Variants in DLC1 observed in about 807,000 individuals in gnomAD.
DLC1 encodes the protein DLC1 Rho GTPase activating protein.
Under a neutral mutation model 140.3 loss-of-function variants are expected in DLC1, and 54 were observed. The ratio of observed to expected loss-of-function variants is 0.38; its 90% CI spans 0.31 to 0.48. The LOEUF is 0.48. DLC1 is among the 20% of genes least tolerant of loss of function. The pLI is 0.96. For missense variants in DLC1, 2,536 were observed against 1,907.0 expected (o/e 1.33, Z -6.14); for synonymous variants, 986 against 728.1 (o/e 1.35, Z -5.70).
chr8:13,376,122 AT>A (rs1182488245), intron 4 of DLC1, among the ~76,000 whole-genome samples: 4 of 152,188 alleles, frequency 2.6e-5, no homozygotes, highest in Non-Finnish European at 5.9e-5. Context: ...GCTGAAGAAA[AT>A]GGTTTGGCCA....
intron 5 of DLC1, among the ~76,000 whole-genome samples, chr8:13,296,198 C>T (rs1324919069): frequency 3.3e-5 from 5 of 151,810 alleles, no homozygotes; most frequent in African/African-American, 7.3e-5. Flanking sequence ...TCAAGTGATT[C>T]GCTCACCTCG....
At chr8:13,528,356 T>G (rs1802985700) in intron 1 of DLC1, among the ~76,000 whole-genome samples, 1 of 152,132 alleles carries the variant, frequency 6.6e-6, no homozygotes, top group African/African-American at 2.4e-5. Context: ...AACTTAAAAA[T>G]TTAACATTTT....
intron 2 of DLC1, among the ~76,000 whole-genome samples, chr8:13,415,003 A>G (rs1289184149): frequency 5.3e-5 from 8 of 152,076 alleles, no homozygotes; most frequent in South Asian, 2.1e-4. Context: ...TAGTAGAGAC[A>G]TGGTTTCACC....
intron 1 of DLC1, among the ~76,000 whole-genome samples, chr8:13,590,191 T>A (rs908464906): frequency 6.6e-5 from 10 of 151,932 alleles, no homozygotes; most frequent in Non-Finnish European, 1.2e-4. Context: ...TATTAAGGAC[T>A]TTTTTCATTT....
At chr8:13,447,711 GAA>G (rs1309588471) in intron 2 of DLC1, among the ~76,000 whole-genome samples, 6 of 152,126 alleles carry the variant, frequency 3.9e-5, no homozygotes, top group African/African-American at 1.4e-4. Flanking sequence ...GATCATATAA[GAA>G]AACATTTTTC....
At chr8:13,318,484 T>G in intron 4 of DLC1, among the ~76,000 whole-genome samples, 1 of 152,236 alleles carries the variant, frequency 6.6e-6, no homozygotes, top group Non-Finnish European at 1.5e-5. Context: ...CCTAGGGTTT[T>G]AACTTAGTTA....
chr8:13,491,126 TA>T lies in DLC1; in HGVS notation c.1023+7922del, dbSNP rs566352656. ...TTTTTATATATATATTCAGATTTAATATTTTTTTATATATATATAGCCTTAA... is the reference window on the plus strand; with the variant it reads ...TTTTTATATATATATTCAGATTTAATTTTTTTTATATATATATAGCCTTAA... On this transcript the variant is annotated intron_variant, in intron 2 of 17. Transcript: ENST00000276297. Among the ~76,000 whole-genome samples the T allele has an allele frequency of 1.3e-3, 198 of 149,196 alleles. 2 individuals carry two copies. The highest frequency in any genetic ancestry group is 1.2e-3 in the Non-Finnish European group (79 of 67,414).
chr8:13,339,807 G>A (rs1400038285), intron 4 of DLC1: 2 of 152,176 alleles, frequency 1.3e-5, no homozygotes, highest in Non-Finnish European at 2.9e-5. Context: ...AGTTTACAAA[G>A]TTTTTCACTC....
chr8:13,122,191 C>T (rs571896990), intron 5 of DLC1, among the ~76,000 whole-genome samples: 99 of 152,286 alleles, frequency 6.5e-4, no homozygotes, highest in African/African-American at 2.3e-3. Context: ...TCTTTAGTGA[C>T]TTTCCACCGC....
chr8:13,174,879 A>G (rs1825675205), intron 5 of DLC1, among the ~76,000 whole-genome samples: 2 of 151,888 alleles, frequency 1.3e-5, no homozygotes, highest in Non-Finnish European at 2.9e-5. Context: ...CCCACCTGTC[A>G]ATTTTTGGTT....
chr8:13,488,037 T>C (rs547856518), intron 2 of DLC1, among the ~76,000 whole-genome samples: 47 of 152,330 alleles, frequency 3.1e-4, no homozygotes, highest in African/African-American at 1.1e-3. Flanking sequence ...CTAAGGCCAG[T>C]ATGTGAGTAG....
At chr8:13,143,472 T>C (rs1823171648) in intron 5 of DLC1, among the ~76,000 whole-genome samples, 1 of 152,212 alleles carries the variant, frequency 6.6e-6, no homozygotes, top group Admixed American at 6.5e-5. Context: ...GTTTTTCTTT[T>C]TGAGACAGGG....
chr8:13,286,729 G>GAAAAAAAAAAA (rs988288934), intron 5 of DLC1, among the ~76,000 whole-genome samples: 2 of 100,970 alleles, frequency 2.0e-5, no homozygotes, highest in Admixed American at 1.1e-4. Flanking sequence ...AAAAAAAATA[G>GAAAAAAAAAAA]AAAAAAAAAA....
chr8:13,404,105 ATACAAGGT>A (rs1318029139), intron 2 of DLC1, among the ~76,000 whole-genome samples: 1 of 152,182 alleles, frequency 6.6e-6, no homozygotes, highest in African/African-American at 2.4e-5. Context: ...TTGTAAAGAA[ATACAAGGT>A]TATTTTATTA....
At chr8:13,382,428 A>AC (rs1258274011) in intron 4 of DLC1, among the ~76,000 whole-genome samples, 5 of 133,900 alleles carry the variant, frequency 3.7e-5, no homozygotes, top group Non-Finnish European at 6.2e-5. Context: ...AATGGCGTGA[A>AC]CCCCAGGGGG....
rs578234699 is a variant in DLC1 at position 13,117,479 on chromosome 8, G to A, written c.1349-1822C>T. On this transcript the variant is annotated intron_variant, in intron 5 of 17. Coordinates refer to ENST00000276297, the MANE Select transcript of DLC1 (RefSeq NM_182643.3). ...GGCAACAGAGTAAGACTCTGTAACC[G>A]CTAAAAAAAAAAGAGGAACTTACTT... Among the ~76,000 whole-genome samples, 694 of 151,634 alleles carry A rather than the reference G, an allele frequency of 4.6e-3. 4 individuals carry two copies. Among genetic ancestry groups the A allele is most frequent in the African/African-American group, 0.016 (656 of 41,332 alleles).
At position 13,248,552 on chromosome 8, in the gene DLC1, A is replaced by C. The variant is rs1382699476; in HGVS notation, c.1348+56717T>G. On this transcript the variant is annotated intron_variant, in intron 5 of 17. Coordinates refer to ENST00000276297, the MANE Select transcript of DLC1 (RefSeq NM_182643.3). ...GTTCATATACTTCCCTTTAACTCCA[A>C]CCTTGGCAGCCTCACCGTGGGAGGC... Among the ~76,000 whole-genome samples, 23 of 151,968 alleles carry C rather than the reference A, an allele frequency of 1.5e-4. 1 individual carries two copies. The highest frequency in any genetic ancestry group is 1.5e-3 in the Admixed American group (23 of 15,264).
rs185455894 is a variant in DLC1, at chr8:13,544,927, T to C, written c.-125-44731A>G. Reference sequence around the variant, plus strand: ...ACCACTTAAGAGCCACAGTGAGTACTCTGCCACCTTCAGGGGGGCACTATT... The same window carrying C: ...ACCACTTAAGAGCCACAGTGAGTACCCTGCCACCTTCAGGGGGGCACTATT... On this transcript the variant is annotated intron_variant, in intron 1 of 1. Transcript: ENST00000631382. 5.3e-4 allele frequency among the ~76,000 whole-genome samples: 80 copies of C among 152,288 alleles called. No homozygotes were observed. In the East Asian group the frequency reaches 0.014, roughly 26 times the overall value.
chr8:13,266,471 G>A (rs939039620), intron 5 of DLC1, among the ~76,000 whole-genome samples: 9 of 152,270 alleles, frequency 5.9e-5, no homozygotes, highest in Non-Finnish European at 1.2e-4. Context: ...TGGGTTGGGC[G>A]TGGTGGTTCA....
Sources: allele counts gnomAD v4.1 joint callset (sites outside exome capture counted in the v4.1 genomes callset), GRCh38; gene constraint gnomAD v4.1.1; transcripts MANE v1.5; gene names NCBI Gene and HGNC (gene_info 2026-07-23, HGNC 2026-07-21).